TMEM117: variants seen among roughly 807,000 people sequenced by gnomAD.
TMEM117 encodes the protein transmembrane protein 117.
TMEM117 carries 27 observed loss-of-function variants against 52.4 expected under a neutral mutation model. The observed-to-expected ratio is 0.51, with a 90% CI of 0.38 to 0.71. The LOEUF is 0.71. TMEM117 is among the 30% of genes least tolerant of loss of function. The pLI is 0.00. For synonymous variants in TMEM117, 215 were observed against 206.3 expected, an observed-to-expected ratio of 1.04 and a Z score of -0.36; for missense variants, 556 against 630.5, an observed-to-expected ratio of 0.88 and a Z score of 1.26.
At chr12:43,970,128 G>C (rs935346422) in intron 3 of TMEM117, among the ~76,000 whole-genome samples, 2 of 152,072 alleles carry the variant, frequency 1.3e-5, no homozygotes, top group African/African-American at 4.8e-5. Context: ...ATATGCAGGA[G>C]GCAGGTCTCG....
chr12:43,880,123 C>G (rs1407127658), intron 2 of TMEM117, among the ~76,000 whole-genome samples: 1 of 152,092 alleles, frequency 6.6e-6, no homozygotes, highest in Non-Finnish European at 1.5e-5. Context: ...CTTTAGTTTT[C>G]TCATTTATAA....
Position 44,072,215 on chromosome 12 carries a change from C to CA in TMEM117, c.411-71299dup, listed in dbSNP as rs77689806. ...TTTCTTGGTAATAATAGAGAAACAA[C>CA]AAAAAAAAAAATTAAGAGGCAACAT... On this transcript the variant is annotated intron_variant, in intron 3 of 7. Transcript: ENST00000266534. 5.5e-3 allele frequency among the ~76,000 whole-genome samples: 794 copies of CA among 144,692 alleles called. 10 individuals are homozygous for CA. The highest frequency in any genetic ancestry group is 0.048 in the East Asian group (239 of 5,012). The allele number at this position is 144,692 out of a possible 152,430, so 94.9% of individuals were successfully genotyped here.
At chr12:44,126,997 A>G (rs2138155435) in intron 3 of TMEM117, among the ~76,000 whole-genome samples, 1 of 152,366 alleles carries the variant, frequency 6.6e-6, no homozygotes, top group South Asian at 2.1e-4. Context: ...TTAAAATTTC[A>G]GAAATATTGC....
chr12:43,804,191 C>T, the TMEM117 span: 1 of 447,482 alleles, frequency 2.2e-6, no homozygotes, highest in Non-Finnish European at 4.4e-6. Context: ...TAGTGATTTC[C>T]ATTCCAGAGA....
At chr12:43,800,364 AC>A in the TMEM117 span, 1 of 1,055,224 alleles carries the variant, frequency 9.5e-7, no homozygotes, top group Non-Finnish European at 1.4e-6. Context: ...CGTATCAATT[AC>A]CCATTACCTA....
intron 5 of TMEM117, among the ~76,000 whole-genome samples, chr12:44,227,873 G>T (rs1949883425): frequency 6.6e-6 from 1 of 152,140 alleles, no homozygotes; most frequent in Non-Finnish European, 1.5e-5. Flanking sequence ...CAAGGCCCAG[G>T]ATAGATTCTG....
At chr12:44,009,252 T>A (rs1046390699) in intron 3 of TMEM117, 1 of 277,448 alleles carries the variant, frequency 3.6e-6, no homozygotes, top group Non-Finnish European at 6.9e-6. Context: ...TTTTGCATCC[T>A]AGCATTTGTA....
chr12:43,967,604 C>G (rs957438074), intron 3 of TMEM117, among the ~76,000 whole-genome samples: 1 of 152,160 alleles, frequency 6.6e-6, no homozygotes. Flanking sequence ...GGCCTGCCAA[C>G]AACCTCATGA....
intron 3 of TMEM117, among the ~76,000 whole-genome samples, chr12:44,114,114 C>T (rs954369848): frequency 5.3e-5 from 8 of 150,000 alleles, no homozygotes; most frequent in Non-Finnish European, 4.4e-5. Flanking sequence ...GTCTGGCACT[C>T]CCTAGTGAGA....
the TMEM117 span, among the ~76,000 whole-genome samples, chr12:43,821,019 C>T: frequency 6.6e-6 from 1 of 150,974 alleles, no homozygotes; most frequent in Non-Finnish European, 1.5e-5. Context: ...GGCATGAACC[C>T]GGGAGGCGGA....
chr12:44,117,332 C>T (rs1438732861), intron 3 of TMEM117, among the ~76,000 whole-genome samples: 1 of 149,948 alleles, frequency 6.7e-6, no homozygotes, highest in African/African-American at 2.5e-5. Flanking sequence ...TTTATCTAAT[C>T]CATAGCATAC....
At chr12:44,334,253 G>A (rs1371017188) in intron 6 of TMEM117, among the ~76,000 whole-genome samples, 4 of 152,026 alleles carry the variant, frequency 2.6e-5, no homozygotes, top group Non-Finnish European at 4.4e-5. Context: ...TGTATCTGCT[G>A]TGGAAATACT....
intron 3 of TMEM117, among the ~76,000 whole-genome samples, chr12:44,052,385 G>A (rs941164341): frequency 1.3e-5 from 2 of 152,062 alleles, no homozygotes; most frequent in South Asian, 4.2e-4. Context: ...CAATGCACTG[G>A]CTCCTGCAGA....
At chr12:44,265,547 C>A (rs1363967967) in intron 5 of TMEM117, among the ~76,000 whole-genome samples, 1 of 152,140 alleles carries the variant, frequency 6.6e-6, no homozygotes, top group African/African-American at 2.4e-5. Flanking sequence ...AAGATGGAGA[C>A]AAGTGAACCC....
At chr12:43,863,494 T>C (rs1259404260) in intron 2 of TMEM117, among the ~76,000 whole-genome samples, 3 of 152,010 alleles carry the variant, frequency 2.0e-5, no homozygotes, top group African/African-American at 7.3e-5. Flanking sequence ...TCTCTGACTC[T>C]AGAAGAAAGC....
chr12:43,960,705 A>T (rs114830317), intron 3 of TMEM117, among the ~76,000 whole-genome samples: 132 of 152,220 alleles, frequency 8.7e-4, no homozygotes, highest in African/African-American at 3.0e-3. Context: ...AGAGGGGGAA[A>T]ATTCTGATTT....
intron 6 of TMEM117, among the ~76,000 whole-genome samples, chr12:44,372,611 AAAAG>A (rs1320474936): frequency 1.3e-5 from 2 of 151,640 alleles, no homozygotes; most frequent in Non-Finnish European, 2.9e-5. Flanking sequence ...AAAAAAAAAC[AAAAG>A]AAAGAAAGAA....
At chr12:44,152,518 T>A (rs1417673834) in intron 4 of TMEM117, among the ~76,000 whole-genome samples, 2 of 118,114 alleles carry the variant, frequency 1.7e-5, no homozygotes, top group Non-Finnish European at 3.2e-5. Context: ...ATATATAAAT[T>A]TATATATATA....
intron 5 of TMEM117, among the ~76,000 whole-genome samples, chr12:44,234,562 T>C (rs1197419527): frequency 2.0e-5 from 3 of 151,372 alleles, no homozygotes; most frequent in South Asian, 4.1e-4. Context: ...TCTTTGTTGA[T>C]TCATTTTATT....
Sources: gnomAD v4.1 joint callset for allele counts (sites outside exome capture counted in the v4.1 genomes callset) on GRCh38, gnomAD v4.1.1 for gene constraint, MANE v1.5 for transcripts, NCBI Gene and HGNC (gene_info 2026-07-23, HGNC 2026-07-21) for gene names.